Variants in PPP1R9A observed in about 807,000 individuals in gnomAD.
PPP1R9A encodes neurabin-1.
PPP1R9A carries 59 observed loss-of-function variants against 141.9 expected under a neutral mutation model. The ratio of observed to expected loss-of-function variants is 0.42; its 90% CI spans 0.34 to 0.52. The LOEUF is 0.52. PPP1R9A is among the 20% of genes least tolerant of loss of function. The probability of loss-of-function intolerance (pLI) is 0.10; values close to 1 mark genes in which losing one functional copy is unlikely to be tolerated. For missense variants in PPP1R9A, 1,444 were observed against 1,611.9 expected, an observed-to-expected ratio of 0.90 and a Z score of 1.78; for synonymous variants, 500 against 569.7, an observed-to-expected ratio of 0.88 and a Z score of 1.74.
chr7:95,085,617 A>G (rs1269375339), intron 2 of PPP1R9A, among the ~76,000 whole-genome samples: 5 of 151,188 alleles, frequency 3.3e-5, no homozygotes, highest in African/African-American at 1.2e-4. Context: ...GTTTCGCCAT[A>G]TTGGCCAGGC....
chr7:94,968,750 C>T (rs895069547), intron 2 of PPP1R9A, among the ~76,000 whole-genome samples: 7 of 152,170 alleles, frequency 4.6e-5, no homozygotes, highest in African/African-American at 1.7e-4. Context: ...AGCTTGGTTC[C>T]ATTCTCCCTG....
intron 5 of PPP1R9A, among the ~76,000 whole-genome samples, chr7:95,170,801 G>A (rs560856990): frequency 1.3e-5 from 2 of 151,672 alleles, no homozygotes; most frequent in African/African-American, 4.8e-5. Flanking sequence ...TAGAAATTAT[G>A]TGGGTAAATA....
intron 5 of PPP1R9A, among the ~76,000 whole-genome samples, chr7:95,182,170 A>C (rs762488705): frequency 1.1e-4 from 17 of 151,932 alleles, no homozygotes; most frequent in Non-Finnish European, 2.1e-4. Flanking sequence ...AAACTGAAAA[A>C]TAAAAAAATA....
intron 7 of PPP1R9A, among the ~76,000 whole-genome samples, chr7:95,219,516 G>T (rs1794084267): frequency 6.6e-6 from 1 of 152,068 alleles, no homozygotes; most frequent in African/African-American, 2.4e-5. Flanking sequence ...ATGTTGGCCT[G>T]CCTTGCTAGA....
At chr7:95,240,170 T>A (rs1343598847) in intron 8 of PPP1R9A, among the ~76,000 whole-genome samples, 2 of 151,734 alleles carry the variant, frequency 1.3e-5, no homozygotes, top group Non-Finnish European at 2.9e-5. Flanking sequence ...ATGAACTTTT[T>A]CCCTGAAAAA....
chr7:95,169,256 G>A (rs1438682762), intron 5 of PPP1R9A, among the ~76,000 whole-genome samples: 2 of 151,914 alleles, frequency 1.3e-5, no homozygotes, highest in Non-Finnish European at 2.9e-5. Flanking sequence ...GGAACTGGAG[G>A]TCATTATGTT....
chr7:95,256,699 T>A (rs1041020825), intron 12 of PPP1R9A, among the ~76,000 whole-genome samples: 2 of 152,164 alleles, frequency 1.3e-5, no homozygotes, highest in African/African-American at 4.8e-5. Flanking sequence ...ATTTTCATTA[T>A]TCACTCATAA....
intron 4 of PPP1R9A, among the ~76,000 whole-genome samples, chr7:95,159,770 A>G (rs908444532): frequency 6.6e-6 from 1 of 151,844 alleles, no homozygotes; most frequent in Non-Finnish European, 1.5e-5. Context: ...AAAAATACAA[A>G]AAAACATTAG....
At chr7:95,267,699 T>G (rs1413330146) in intron 12 of PPP1R9A, among the ~76,000 whole-genome samples, 1 of 152,164 alleles carries the variant, frequency 6.6e-6, no homozygotes, top group East Asian at 1.9e-4. Flanking sequence ...CTTTTAGCCT[T>G]TTTATTTAAA....
At chr7:94,913,678 CATG>C (rs1296222445) in intron 2 of PPP1R9A, among the ~76,000 whole-genome samples, 1 of 152,058 alleles carries the variant, frequency 6.6e-6, no homozygotes, top group Non-Finnish European at 1.5e-5. Flanking sequence ...TTCTACTGGT[CATG>C]GTGGTGGCCA....
chr7:95,001,984 C>T (rs888338123), intron 2 of PPP1R9A, among the ~76,000 whole-genome samples: 3 of 152,166 alleles, frequency 2.0e-5, no homozygotes, highest in African/African-American at 7.2e-5. Flanking sequence ...GTGTCACAAG[C>T]CATGCTTTTT....
In PPP1R9A at chr7:95,292,653, T is replaced by C. The variant is rs2116174261; in HGVS notation, c.*2350T>C. On this transcript the variant is annotated 3_prime_UTR_variant, in exon 20 of 20. Coordinates refer to ENST00000433360, the MANE Select transcript of PPP1R9A (RefSeq NM_001166160.2). ...ATAAATCAAATTCTTATTCCTAAAA[T>C]CATTTAGTATTATAAGTATTTTGAT... The C allele has an allele frequency of 6.6e-6, 1 of 152,312 alleles. No individual in the cohort carries two copies. The highest frequency in any genetic ancestry group is 1.9e-4 in the East Asian group (1 of 5,188). The allele number at this position is 152,312 out of a possible 1,614,324, so 9.4% of individuals were successfully genotyped here. A position where few individuals can be genotyped will look rare whatever the true frequency, so the allele number is the denominator to read the frequency against.
At chr7:95,213,246 T>C (rs1460713062) in intron 7 of PPP1R9A, among the ~76,000 whole-genome samples, 1 of 152,094 alleles carries the variant, frequency 6.6e-6, no homozygotes, top group Non-Finnish European at 1.5e-5. Flanking sequence ...TTATCACTCA[T>C]TATTCAAAAA....
chr7:95,050,017 C>A lies in PPP1R9A; in HGVS notation c.1396-61242C>A, dbSNP rs115295992. Among the ~76,000 whole-genome samples the A allele has an allele frequency of 8.3e-3, 1,264 of 152,194 alleles. 38 individuals carry two copies. Among genetic ancestry groups the A allele is most frequent in the East Asian group, 0.038 (196 of 5,170 alleles). ...ATTTTTCAGTTCATCTGGATAAATA[C>A]CAAGGAGTGTGATTGCTGGATTGTA... On this transcript the variant is annotated intron_variant, in intron 2 of 19. Coordinates refer to ENST00000433360, the MANE Select transcript of PPP1R9A (RefSeq NM_001166160.2).
At chr7:95,071,887 A>G (rs1262979534) in intron 2 of PPP1R9A, among the ~76,000 whole-genome samples, 2 of 151,874 alleles carry the variant, frequency 1.3e-5, no homozygotes, top group Non-Finnish European at 2.9e-5. Context: ...ATGAAGACAT[A>G]TGCTTTTATT....
intron 2 of PPP1R9A, among the ~76,000 whole-genome samples, chr7:95,035,190 C>G (rs940013910): frequency 1.3e-5 from 2 of 152,074 alleles, no homozygotes; most frequent in Admixed American, 6.6e-5. Flanking sequence ...TTTCAGATTT[C>G]TATTCAAAAC....
chr7:95,138,365 A>G (rs929084199), intron 4 of PPP1R9A, among the ~76,000 whole-genome samples: 20 of 152,264 alleles, frequency 1.3e-4, no homozygotes, highest in Admixed American at 3.9e-4. Context: ...CACACCATAT[A>G]CAAAGTTAAT....
intron 16 of PPP1R9A, among the ~76,000 whole-genome samples, chr7:95,283,449 A>T (rs1002747632): frequency 1.3e-5 from 2 of 152,224 alleles, no homozygotes; most frequent in Non-Finnish European, 2.9e-5. Context: ...TCCAAGTGGG[A>T]GATGAGGACT....
At chr7:95,191,321 A>G (rs915255779) in intron 5 of PPP1R9A, among the ~76,000 whole-genome samples, 1 of 152,234 alleles carries the variant, frequency 6.6e-6, no homozygotes, top group African/African-American at 2.4e-5. Flanking sequence ...AATAATGCAC[A>G]TTAAAACAAG....
Sources: allele counts gnomAD v4.1 joint callset (sites outside exome capture counted in the v4.1 genomes callset), GRCh38; gene constraint gnomAD v4.1.1; transcripts MANE v1.5; gene names NCBI Gene and HGNC (gene_info 2026-07-23, HGNC 2026-07-21).